Variants in SEMA6D observed in about 807,000 individuals in gnomAD.
SEMA6D encodes the protein semaphorin-6D.
Under a neutral mutation model 106.6 loss-of-function variants are expected in SEMA6D, and 35 were observed. The observed-to-expected ratio is 0.33, with a 90% CI of 0.25 to 0.44. The LOEUF (loss-of-function observed/expected upper bound fraction) is 0.44. Among genes scored for constraint, SEMA6D ranks in the 20% least tolerant of loss-of-function variants. The pLI is 1.00. For missense variants in SEMA6D, 1,185 were observed against 1,345.9 expected (o/e 0.88, Z 1.87); for synonymous variants, 499 against 487.7 (o/e 1.02, Z -0.31).
chr15:47,575,763 G>C (rs1466826552), intron 3 of SEMA6D, among the ~76,000 whole-genome samples: 4 of 151,930 alleles, frequency 2.6e-5, no homozygotes, highest in East Asian at 1.9e-4. Flanking sequence ...TTCACAGTAA[G>C]GGCTTTGAGT....
intron 1 of SEMA6D, among the ~76,000 whole-genome samples, chr15:47,734,262 T>G (rs1430654031): frequency 6.6e-6 from 1 of 152,174 alleles, no homozygotes; most frequent in Non-Finnish European, 1.5e-5. Context: ...CAACAGATAA[T>G]TTTAGAGCAT....
chr15:47,579,897 A>G (rs1323388236), intron 3 of SEMA6D, among the ~76,000 whole-genome samples: 1 of 152,190 alleles, frequency 6.6e-6, no homozygotes, highest in East Asian at 1.9e-4. Context: ...CGACTCAACC[A>G]CAACATTTGC....
At chr15:47,361,832 A>C (rs527799892) in intron 1 of SEMA6D, among the ~76,000 whole-genome samples, 1 of 152,314 alleles carries the variant, frequency 6.6e-6, no homozygotes, top group African/African-American at 2.4e-5. Context: ...ATTTGTAAAA[A>C]GTTGCAGCAG....
At chr15:47,446,114 A>C (rs888009360) in intron 2 of SEMA6D, among the ~76,000 whole-genome samples, 1 of 152,138 alleles carries the variant, frequency 6.6e-6, no homozygotes, top group African/African-American at 2.4e-5. Flanking sequence ...ACCTCTGTTC[A>C]TGCTGCCCAT....
intron 3 of SEMA6D, among the ~76,000 whole-genome samples, chr15:47,518,189 A>T (rs79875071): frequency 0.1 from 15,483 of 152,254 alleles, 1,069 homozygotes; most frequent in South Asian, 0.15. Flanking sequence ...CAGAATAGGA[A>T]TTTAATTTTT....
chr15:47,390,241 A>T (rs2039980229), intron 1 of SEMA6D, among the ~76,000 whole-genome samples: 1 of 152,178 alleles, frequency 6.6e-6, no homozygotes, highest in South Asian at 2.1e-4. Flanking sequence ...ACAATCTAGT[A>T]TATGGTCTTT....
intron 2 of SEMA6D, among the ~76,000 whole-genome samples, chr15:47,414,518 C>T (rs1269545196): frequency 6.6e-6 from 1 of 152,162 alleles, no homozygotes. Context: ...AAGGAAGTGG[C>T]CTACAACTCA....
intron 1 of SEMA6D, among the ~76,000 whole-genome samples, chr15:47,314,374 G>A (rs1433147540): frequency 4.6e-5 from 7 of 151,454 alleles, no homozygotes; most frequent in Non-Finnish European, 8.8e-5. Context: ...CGAGGCGGGC[G>A]GATCACGAGG....
At chr15:47,472,453 G>T (rs1384675482) in intron 3 of SEMA6D, among the ~76,000 whole-genome samples, 5 of 152,120 alleles carry the variant, frequency 3.3e-5, no homozygotes, top group Non-Finnish European at 5.9e-5. Context: ...AAACAGAAAA[G>T]ATATTAAAAG....
At chr15:47,769,260 A>C (rs2082506223) in intron 18 of SEMA6D, among the ~76,000 whole-genome samples, 1 of 152,218 alleles carries the variant, frequency 6.6e-6, no homozygotes, top group Non-Finnish European at 1.5e-5. Context: ...AGCCCGTAAT[A>C]GGAGCAGTTA....
intron 1 of SEMA6D, among the ~76,000 whole-genome samples, chr15:47,723,002 G>A (rs2079512390): frequency 6.6e-6 from 1 of 152,046 alleles, no homozygotes; most frequent in Non-Finnish European, 1.5e-5. Context: ...TTGAACTTAG[G>A]CTTCCCGACA....
chr15:47,374,260 T>C (rs2039373819), intron 1 of SEMA6D, among the ~76,000 whole-genome samples: 1 of 152,172 alleles, frequency 6.6e-6, no homozygotes, highest in African/African-American at 2.4e-5. Context: ...ACAAATTGGC[T>C]CATGGAAGAA....
chr15:47,627,168 A>T (rs944129604), intron 4 of SEMA6D, among the ~76,000 whole-genome samples: 1 of 152,112 alleles, frequency 6.6e-6, no homozygotes, highest in African/African-American at 2.4e-5. Context: ...CCAACCTGGT[A>T]ATATGATTGA....
chr15:47,317,792 T>A (rs1267116622), intron 1 of SEMA6D, among the ~76,000 whole-genome samples: 1 of 152,180 alleles, frequency 6.6e-6, no homozygotes, highest in Non-Finnish European at 1.5e-5. Flanking sequence ...TTTTTCTTTA[T>A]CTTTGTTTTT....
chr15:47,407,968 G>A lies in SEMA6D; in HGVS notation c.-238-4425G>A, dbSNP rs147148081. On this transcript the variant is annotated intron_variant, in intron 1 of 19. Transcript: ENST00000558014. ...GTTGGGAATCTCCATGTGAAAGGAC[G>A]TGGTGAAGACTGGCAGTCTGAGGTT... Among the ~76,000 whole-genome samples the A allele has an allele frequency of 2.6e-3, 402 of 152,298 alleles. 3 individuals carry two copies. The highest frequency in any genetic ancestry group is 9.4e-3 in the African/African-American group (390 of 41,560).
chr15:47,710,440 C>T (rs956508932), intron 4 of SEMA6D, among the ~76,000 whole-genome samples: 6 of 152,198 alleles, frequency 3.9e-5, no homozygotes, highest in African/African-American at 7.2e-5. Flanking sequence ...AAATTTGTGA[C>T]GAGAAATGAA....
intron 4 of SEMA6D, among the ~76,000 whole-genome samples, chr15:47,690,289 A>G (rs1476017473): frequency 2.0e-5 from 3 of 152,152 alleles, no homozygotes; most frequent in African/African-American, 7.2e-5. Context: ...TTCCTGGTCT[A>G]TTTCAGGTAA....
chr15:47,218,409 T>C lies in SEMA6D; in HGVS notation c.-239+33991T>C, dbSNP rs1339885156. 2.0e-5 allele frequency among the ~76,000 whole-genome samples: 3 copies of C among 152,162 alleles called. No individual in the cohort carries two copies. In the East Asian group the frequency reaches 5.8e-4, roughly 29 times the overall value. ...ACCCTATTATGGGTTGAATGTACTCTTCCGAGGTGGCTTGAGAATCTAACC... is the reference window on the plus strand; with the variant it reads ...ACCCTATTATGGGTTGAATGTACTCCTCCGAGGTGGCTTGAGAATCTAACC... On this transcript the variant is annotated intron_variant, in intron 1 of 19. Transcript: ENST00000558014.
intron 1 of SEMA6D, among the ~76,000 whole-genome samples, chr15:47,199,188 G>C (rs1487596014): frequency 6.6e-6 from 1 of 152,118 alleles, no homozygotes; most frequent in African/African-American, 2.4e-5. Context: ...AATGTGTTAG[G>C]ATAGTTAAAT....
Sources: gnomAD v4.1 joint callset for allele counts (sites outside exome capture counted in the v4.1 genomes callset) on GRCh38, gnomAD v4.1.1 for gene constraint, MANE v1.5 for transcripts, NCBI Gene and HGNC (gene_info 2026-07-23, HGNC 2026-07-21) for gene names.